Variants in SPTBN1 observed in about 807,000 individuals in gnomAD.
SPTBN1 encodes the protein spectrin beta, non-erythrocytic 1, also known as spectrin beta chain, non-erythrocytic 1.
SPTBN1 carries 32 observed loss-of-function variants against 266.4 expected under a neutral mutation model. The ratio of observed to expected loss-of-function variants is 0.12; its 90% CI spans 0.09 to 0.16. SPTBN1 has a LOEUF of 0.16. Ranked by LOEUF, SPTBN1 falls within the 10% of genes least tolerant of loss-of-function variation. The pLI is 1.00. For synonymous variants in SPTBN1, 1,336 were observed against 1,162.2 expected (o/e 1.15, Z -3.04); for missense variants, 2,296 against 3,067.1 (o/e 0.75, Z 5.94).
chr2:54,572,526 T>G (rs1674161726), intron 2 of SPTBN1, among the ~76,000 whole-genome samples: 2 of 152,288 alleles, frequency 1.3e-5, no homozygotes, highest in East Asian at 3.9e-4. Context: ...TTCAGAAACT[T>G]AGATAGCACA....
At chr2:54,571,433 GT>G (rs1300194218) in intron 2 of SPTBN1, among the ~76,000 whole-genome samples, 1 of 152,010 alleles carries the variant, frequency 6.6e-6, no homozygotes, top group Non-Finnish European at 1.5e-5. Flanking sequence ...GAGTTTTCCG[GT>G]TTTAGTGCCA....
chr2:54,562,549 G>T, intron 2 of SPTBN1, among the ~76,000 whole-genome samples: 1 of 10,332 alleles, frequency 9.7e-5, no homozygotes, highest in South Asian at 1.8e-3. Flanking sequence ...TTTTTTTGAG[G>T]CAAGGTCTGC....
chr2:54,507,904 GGA>G (rs1669660060), intron 1 of SPTBN1, among the ~76,000 whole-genome samples: 5 of 152,032 alleles, frequency 3.3e-5, no homozygotes, highest in Admixed American at 3.3e-4. Flanking sequence ...GAAACGGCTA[GGA>G]GAGAGTAACT....
rs1678493004 is a variant in SPTBN1, at chr2:54,628,351, C to T, written c.1798+101C>T. On this transcript the variant is annotated intron_variant, in intron 13 of 35. Transcript: ENST00000356805. The surrounding 1 kb of genome is among the most constrained non-coding windows in gnomAD (Gnocchi z 4.3). ...GAAGTTACTGTGCCACTATACATTC[C>T]TGGTGGGTTTGTCATGGGAGCATGA... 7.2e-7 allele frequency: 1 copy of T among 1,396,538 alleles called. No homozygotes were observed. Among genetic ancestry groups the T allele is most frequent in the Non-Finnish European group, 9.4e-7 (1 of 1,063,998 alleles). The allele number at this position is 1,396,538 out of a possible 1,614,324, so 86.5% of individuals were successfully genotyped here.
rs1681235871 is a variant in SPTBN1, at chr2:54,664,348, T to A, written c.6421-105T>A. On this transcript the variant is annotated intron_variant, in intron 32 of 35. Transcript: ENST00000356805. The surrounding 1 kb of genome is among the most constrained non-coding windows in gnomAD (Gnocchi z 5.6). ...ATGGTTTTACTGTACTGCCTCGATC[T>A]GTGCCAGGCATTTATACACAGCCAC... The A allele has an allele frequency of 8.6e-7, 1 of 1,167,756 alleles. No individual in the cohort carries two copies. The highest frequency in any genetic ancestry group is 1.5e-5 in the African/African-American group (1 of 65,640). 72.3% of individuals were successfully genotyped at this position (1,167,756 alleles called of 1,614,324 possible).
At chr2:54,503,650 G>A (rs188674722) in intron 1 of SPTBN1, among the ~76,000 whole-genome samples, 1 of 152,236 alleles carries the variant, frequency 6.6e-6, no homozygotes, top group African/African-American at 2.4e-5. Context: ...TCTAGTCTTT[G>A]AACATACCAA....
At chr2:54,659,327 G>A in intron 31 of SPTBN1, 61 bp downstream of exon 31, 1 of 1,535,788 alleles carries the variant, frequency 6.5e-7, no homozygotes, top group Non-Finnish European at 9.0e-7. Context: ...AGGTTTATGG[G>A]GCATCTTTCT....
chr2:54,627,979 T>A (rs1438835684), intron 12 of SPTBN1, 118 bp from the exon 13 acceptor site: 1 of 1,233,556 alleles, frequency 8.1e-7, no homozygotes, highest in Non-Finnish European at 1.1e-6. Context: ...GTGGGGTCCA[T>A]GGCAGACTAG....
At chr2:54,625,218 G>C (rs183117532) in intron 11 of SPTBN1, among the ~76,000 whole-genome samples, 6 of 152,314 alleles carry the variant, frequency 3.9e-5, no homozygotes, top group Admixed American at 2.0e-4. Flanking sequence ...TGTGTGAACT[G>C]TTCACATTTA....
intron 2 of SPTBN1, among the ~76,000 whole-genome samples, chr2:54,542,230 G>A (rs1429343025): frequency 6.6e-6 from 1 of 152,228 alleles, no homozygotes. Flanking sequence ...TTTCACAGAG[G>A]AGAGTTGTTG....
chr2:54,481,887 G>A (rs1340851988), intron 1 of SPTBN1, among the ~76,000 whole-genome samples: 3 of 152,132 alleles, frequency 2.0e-5, no homozygotes, highest in Non-Finnish European at 4.4e-5. Flanking sequence ...ATACTAGCCA[G>A]GCTTTATATA....
In SPTBN1 at chr2:54,645,878, A is replaced by G. The variant is rs761432193; in HGVS notation, c.4495-50A>G. On this transcript the variant is annotated intron_variant, in intron 21 of 35. Transcript: ENST00000356805. The surrounding 1 kb of genome is among the most constrained non-coding windows in gnomAD (Gnocchi z 4.3). ...GCCCCTCACTGCTCGTTTGTGTCGTATATTTGTTCCTCTGAGTGGATCTGA... is the reference window on the plus strand; with the variant it reads ...GCCCCTCACTGCTCGTTTGTGTCGTGTATTTGTTCCTCTGAGTGGATCTGA... 3.8e-6 allele frequency: 6 copies of G among 1,597,746 alleles called. No homozygotes were observed. Among genetic ancestry groups the G allele is most frequent in the South Asian group, 3.3e-5 (3 of 90,730 alleles).
At chr2:54,563,463 G>A (rs948781073) in intron 2 of SPTBN1, among the ~76,000 whole-genome samples, 12 of 152,068 alleles carry the variant, frequency 7.9e-5, no homozygotes, top group African/African-American at 2.9e-4. Context: ...TTCAGGTCAT[G>A]AAATGCATTA....
chr2:54,670,805 A>G lies in SPTBN1; in HGVS notation c.*2236A>G. On this transcript the variant is annotated 3_prime_UTR_variant, in exon 36 of 36. Coordinates refer to ENST00000356805, the MANE Select transcript of SPTBN1 (RefSeq NM_003128.3). The stretch of plus-strand genomic sequence containing the variant: ...TATTTGCTCTCTCTTGGTGCATTTG[A>G]TAAGGATCCACTGAGGCCTGAATGT... The G allele has an allele frequency of 5.0e-6, 2 of 398,542 alleles. No individual in the cohort carries two copies. Among genetic ancestry groups the G allele is most frequent in the East Asian group, 3.6e-5 (1 of 28,072 alleles). The allele number at this position is 398,542 out of a possible 1,614,324, so 24.7% of individuals were successfully genotyped here.
intron 3 of SPTBN1, among the ~76,000 whole-genome samples, chr2:54,602,288 A>G (rs779708789): frequency 2.3e-4 from 35 of 152,174 alleles, no homozygotes; most frequent in Admixed American, 2.0e-4. Flanking sequence ...TGTGCTGGCC[A>G]CTTAGTAATT....
chr2:54,525,553 A>G (rs1670754386), intron 1 of SPTBN1, among the ~76,000 whole-genome samples: 1 of 151,998 alleles, frequency 6.6e-6, no homozygotes, highest in Non-Finnish European at 1.5e-5. Flanking sequence ...AATCTTAAGC[A>G]TCAGTTTTCT....
chr2:54,643,683 A>G (rs1423003457), intron 19 of SPTBN1, among the ~76,000 whole-genome samples: 3 of 151,368 alleles, frequency 2.0e-5, no homozygotes, highest in Non-Finnish European at 4.4e-5. Context: ...CAGATTCTTC[A>G]CGGTTAAAAT....
At chr2:54,652,871 T>TTTTTC (rs1460363984) in intron 26 of SPTBN1, 1 of 137,006 alleles carries the variant, frequency 7.3e-6, no homozygotes, top group African/African-American at 2.8e-5. Context: ...TTTGTTGGTT[T>TTTTTC]TTTTCTTTTC....
chr2:54,521,596 C>A (rs911433137), intron 1 of SPTBN1, among the ~76,000 whole-genome samples: 4 of 152,170 alleles, frequency 2.6e-5, no homozygotes, highest in Non-Finnish European at 5.9e-5. Flanking sequence ...TCACTGCGGC[C>A]TTGACCTCTT....
Sources: allele counts gnomAD v4.1 joint callset (sites outside exome capture counted in the v4.1 genomes callset), GRCh38; gene constraint gnomAD v4.1.1; non-coding constraint Gnocchi (gnomAD v3.1); transcripts MANE v1.5; gene names NCBI Gene and HGNC (gene_info 2026-07-23, HGNC 2026-07-21).